The following ADAD2 variants were observed in gnomAD, a reference collection of about 807,000 sequenced individuals.
ADAD2 encodes the protein adenosine deaminase domain-containing protein 2.
A neutral mutation model predicts 54.5 loss-of-function variants in ADAD2; 60 were observed. The observed-to-expected ratio is 1.10, with a 90% confidence interval of 0.89 to 1.36. The LOEUF (loss-of-function observed/expected upper bound fraction) is 1.36. ADAD2 is among the 40% of genes most tolerant of loss of function. ADAD2 has a pLI of 0.00. For synonymous variants in ADAD2, 543 were observed against 366.2 expected (o/e 1.48, Z -5.51); for missense variants, 1,103 against 801.3 (o/e 1.38, Z -4.54).
Position 84,191,213 on chromosome 16 carries a change from A to C in ADAD2, c.-18A>C, listed in dbSNP as rs2089644010. 7 of 1,605,004 alleles carry C rather than the reference A, an allele frequency of 4.4e-6. No individual in the cohort carries two copies. The highest frequency in any genetic ancestry group is 6.0e-6 in the Non-Finnish European group (7 of 1,175,210). Reference sequence around the variant, plus strand: ...AGCGCGAGATAGGGCCTAGCGCCTCAGATCTTCGTTGGCGGCCATGGCTTC... The same window carrying C: ...AGCGCGAGATAGGGCCTAGCGCCTCCGATCTTCGTTGGCGGCCATGGCTTC... On this transcript the variant is annotated 5_prime_UTR_variant, in exon 1 of 10. Coordinates refer to ENST00000315906, the MANE Select transcript of ADAD2 (RefSeq NM_001145400.2).
At position 84,195,799 on chromosome 16, in the gene ADAD2, C is replaced by A; in HGVS notation, c.1053-16C>A. On this transcript the variant is annotated splice_polypyrimidine_tract_variant and intron_variant, in intron 6 of 9. Transcript: ENST00000315906. ...AGCAGCCCTGAAGCTGATGTCTGTC[C>A]CCACCCGGCCCGCAGCCTGCCCCCC... is the stretch of plus-strand genomic sequence containing the variant. 6.3e-7 allele frequency: 1 copy of A among 1,582,248 alleles called. No homozygotes were observed. Among genetic ancestry groups the A allele is most frequent in the African/African-American group, 1.3e-5 (1 of 74,160 alleles).
Position 84,195,645 on chromosome 16 carries a change from T to C in ADAD2, c.1000T>C (p.Phe334Leu). 6.3e-7 allele frequency: 1 copy of C among 1,599,690 alleles called. No homozygotes were observed. Among genetic ancestry groups the C allele is most frequent in the Non-Finnish European group, 8.5e-7 (1 of 1,173,896 alleles). ...CCCATTCACCCTCAAGCCCCGCGTC[T>C]TCCTGCACCTCTACATCAGCAACAC... is the stretch of plus-strand genomic sequence containing the variant. The part of the protein sequence containing the change: ...GPPFTLKPRV[F>L]LHLYISNTPK... The change falls in exon 6 of 10, where the codon TTC becomes CTC. Residue 334 changes from phenylalanine to leucine, a missense_variant. Physicochemically the swap from Phe to Leu is conservative, Grantham distance 22. Coordinates refer to ENST00000315906, the MANE Select transcript of ADAD2 (RefSeq NM_001145400.2).
At chr16:84,194,373 G>T (rs2089697476) in intron 1 of ADAD2, 69 bp from the exon 2 acceptor site, 1 of 1,565,692 alleles carries the variant, frequency 6.4e-7, no homozygotes, top group Admixed American at 1.8e-5. Context: ...GTGTCAGGAG[G>T]AGGCAGAGGT....
intron 3 of ADAD2, 22 bp downstream of exon 3, chr16:84,195,002 C>G: frequency 6.5e-7 from 1 of 1,542,018 alleles, no homozygotes; most frequent in South Asian, 1.1e-5. Context: ...TTCCCGGACC[C>G]AGGCTTGTAG....
intron 1 of ADAD2, chr16:84,193,979 A>G (rs767178739): frequency 1.3e-6 from 2 of 1,538,330 alleles, no homozygotes; most frequent in East Asian, 4.5e-5. Flanking sequence ...TGTTATAAGT[A>G]ACACCCAAAA....
chr16:84,196,870 G>A lies in ADAD2; in HGVS notation c.1648G>A (p.Ala550Thr), dbSNP rs752934699. ...CCCCACCTCTCATCTCCCGCCCTAG[G>A]CTGGGCCCTACCAGGAGGCTCGCAG... ...LALKTYEAAK[A>T]GPYQEARRQL... The change falls in exon 10 of 10, where the codon GCT (alanine) becomes ACT (threonine). Residue 550 changes from alanine (A) to threonine (T), a missense_variant and splice_region_variant. Transcript: ENST00000315906. 1 of 1,593,828 alleles carries A rather than the reference G, an allele frequency of 6.3e-7. No homozygotes were observed. Among genetic ancestry groups the A allele is most frequent in the South Asian group, 1.1e-5 (1 of 88,446 alleles).
chr16:84,195,507 C>G (rs766221123), intron 5 of ADAD2, 23 bp from the exon 6 acceptor site: 1 of 1,600,744 alleles, frequency 6.2e-7, no homozygotes, highest in South Asian at 1.1e-5. Flanking sequence ...TCTTCCCAAC[C>G]ACCCTGTGCC....
intron 1 of ADAD2, chr16:84,194,045 T>A (rs2089692171): frequency 2.5e-6 from 4 of 1,604,918 alleles, no homozygotes; most frequent in Non-Finnish European, 3.4e-6. Flanking sequence ...GGAGAGGAAT[T>A]GAAAGCAATG....
At chr16:84,196,431 T>A (rs1305269982) in intron 8 of ADAD2, 61 bp downstream of exon 8, 1 of 1,568,904 alleles carries the variant, frequency 6.4e-7, no homozygotes. Context: ...GGCTCATGCA[T>A]GAGCTTCCTC....
Position 84,196,855 on chromosome 16 carries a change from C to T in ADAD2, c.1648-15C>T. 1 of 1,589,760 alleles carries T rather than the reference C, an allele frequency of 6.3e-7. No individual in the cohort carries two copies. The highest frequency in any genetic ancestry group is 1.1e-5 in the South Asian group (1 of 88,410). ...AGGTACCTCCTCTCACCCCACCTCT[C>T]ATCTCCCGCCCTAGGCTGGGCCCTA... On this transcript the variant is annotated splice_polypyrimidine_tract_variant and intron_variant, in intron 9 of 9. Transcript: ENST00000315906.
Position 84,197,132 on chromosome 16 carries a change from C to T in ADAD2, c.*158C>T. 1.5e-6 allele frequency: 1 copy of T among 687,084 alleles called. No individual in the cohort carries two copies. Among genetic ancestry groups the T allele is most frequent in the Non-Finnish European group, 2.4e-6 (1 of 409,352 alleles). The allele number at this position is 687,084 out of a possible 1,614,324, so 42.6% of individuals were successfully genotyped here. A position where few individuals can be genotyped will look rare whatever the true frequency, so the allele number is the denominator to read the frequency against. On this transcript the variant is annotated 3_prime_UTR_variant, in exon 10 of 10. Transcript: ENST00000315906. ...TGCTGTGGTTGGGAGGCGGCTGCTG[C>T]ACGTTTGGGCTTGAATAAAGAAGTA... is the stretch of plus-strand genomic sequence containing the variant.
rs73252701 is a variant in ADAD2, at chr16:84,195,145, G to T, written c.684G>T (p.Ser228=). The T allele has an allele frequency of 6.2e-7, 1 of 1,613,534 alleles. No individual in the cohort carries two copies. The part of the protein sequence containing the change: ...AGFDLLLDER[S]PYWACKGTVA... ...TTGACCTCCTGTTGGACGAGCGCTC[G>T]CCATACTGGGCCTGTAAGGGGACTG... Residue 228 remains serine, a synonymous_variant, in exon 4 of 10, where the codon TCG becomes TCT. Coordinates refer to ENST00000315906, the MANE Select transcript of ADAD2 (RefSeq NM_001145400.2).
At chr16:84,193,923 C>A in intron 1 of ADAD2, 1 of 1,362,702 alleles carries the variant, frequency 7.3e-7, no homozygotes, top group Non-Finnish European at 1.0e-6. Context: ...TAACCCTGCA[C>A]CTTTGACCAT....
chr16:84,197,069 G>T lies in ADAD2; in HGVS notation c.*95G>T. The T allele has an allele frequency of 1.5e-6, 2 of 1,305,920 alleles. No homozygotes were observed. Among genetic ancestry groups the T allele is most frequent in the Non-Finnish European group, 2.1e-6 (2 of 940,998 alleles). 80.9% of individuals were successfully genotyped at this position (1,305,920 alleles called of 1,614,324 possible). ...GAGCGTTGTGGGGAGAACATGGGTT[G>T]TGCGGGGTGAAACTGGGGCTGGAGG... On this transcript the variant is annotated 3_prime_UTR_variant, in exon 10 of 10. Coordinates refer to ENST00000315906, the MANE Select transcript of ADAD2 (RefSeq NM_001145400.2).
In ADAD2 at chr16:84,191,246, C is replaced by G. The variant is rs144653507; in HGVS notation, c.16C>G (p.Gln6Glu). ...GTTGGCGGCCATGGCTTCGGCTTCT[C>G]AGGGCGCTGACGACGACGGCAGTCG... MASAS[Q>E]GADDDGSRRK... Residue 6 changes from glutamine to glutamate, a missense_variant, in exon 1 of 10, where the codon CAG (glutamine) becomes GAG (glutamate). Transcript: ENST00000315906. The G allele has an allele frequency of 6.2e-6, 10 of 1,607,882 alleles. No homozygotes were observed. In the African/African-American group the frequency reaches 1.3e-4, roughly 21 times the overall value.
rs2089710282 is a variant in ADAD2 at position 84,195,155 on chromosome 16, G to T, written c.694G>T (p.Ala232Ser). Residue 232 changes from alanine (A) to serine (S), a missense_variant, in exon 4 of 10, where the codon GCC becomes TCC. Physicochemically the swap from Ala to Ser is moderately conservative, Grantham distance 99. Coordinates refer to ENST00000315906, the MANE Select transcript of ADAD2 (RefSeq NM_001145400.2). Reference protein sequence around the residue: ...LLLDERSPYWACKGTVAGVIL... With the variant: ...LLLDERSPYWSCKGTVAGVIL... ...GTTGGACGAGCGCTCGCCATACTGG[G>T]CCTGTAAGGGGACTGTGGCTGGAGT... The T allele has an allele frequency of 6.2e-7, 1 of 1,613,440 alleles. No individual in the cohort carries two copies. Among genetic ancestry groups the T allele is most frequent in the African/African-American group, 1.3e-5 (1 of 74,950 alleles).
In ADAD2 at chr16:84,196,205, G is replaced by T. The variant is rs145615373; in HGVS notation, c.1361G>T (p.Cys454Phe). 558 of 1,610,150 alleles carry T rather than the reference G, an allele frequency of 3.5e-4. 2 individuals are homozygous for T. The African/African-American group carries it at 6.6e-3, about 19-fold the overall frequency. The change falls in exon 8 of 10, where the codon TGC becomes TTC. Residue 454 changes from cysteine to phenylalanine, a missense_variant. By Grantham distance (205) the Cys-to-Phe change is radical. Transcript: ENST00000315906. ...TGCCTGGACAGTGTCCTGGGGCCAT[G>T]CCTGCCACCTCCCTACGTCCGGACC... ...RPCLDSVLGP[C>F]LPPPYVRTAL...
Position 84,196,698 on chromosome 16 carries a change from C to G in ADAD2, c.1578C>G (p.Ala526=). Residue 526 remains alanine, a synonymous_variant, in exon 9 of 10, where the codon GCC becomes GCG. Coordinates refer to ENST00000315906, the MANE Select transcript of ADAD2 (RefSeq NM_001145400.2). Reference sequence around the variant, plus strand: ...TCTGCAAGGCCTCCTTTCTCCGGGCCTTTCACCAGGCGGCCAGGGCTGTGG... The same window carrying G: ...TCTGCAAGGCCTCCTTTCTCCGGGCGTTTCACCAGGCGGCCAGGGCTGTGG... The part of the protein sequence containing the change: ...SRLCKASFLR[A]FHQAARAVGK... 6.2e-7 allele frequency: 1 copy of G among 1,613,436 alleles called. No homozygotes were observed. The highest frequency in any genetic ancestry group is 8.5e-7 in the Non-Finnish European group (1 of 1,179,994).
Position 84,197,001 on chromosome 16 carries a change from C to T in ADAD2, c.*27C>T, listed in dbSNP as rs373907176. Reference sequence around the variant, plus strand: ...GCCAGCCTCGGCGGGACCGAGGTCCCGGAGCCAAGCTGTACCCCTGCTGGG... The same window carrying T: ...GCCAGCCTCGGCGGGACCGAGGTCCTGGAGCCAAGCTGTACCCCTGCTGGG... On this transcript the variant is annotated 3_prime_UTR_variant, in exon 10 of 10. Coordinates refer to ENST00000315906, the MANE Select transcript of ADAD2 (RefSeq NM_001145400.2). The T allele has an allele frequency of 1.4e-3, 2,119 of 1,562,246 alleles. 45 individuals carry two copies. In the South Asian group the frequency reaches 0.023, roughly 17 times the overall value.
Sources: allele counts gnomAD v4.1 joint callset, GRCh38; gene constraint gnomAD v4.1.1; transcripts MANE v1.5; gene names NCBI Gene and HGNC (gene_info 2026-07-23, HGNC 2026-07-21).